The following CSMD1 variants were observed in gnomAD, a reference collection of about 807,000 sequenced individuals.
CSMD1 encodes CUB and Sushi multiple domains 1, also known as CUB and sushi domain-containing protein 1.
Under a neutral mutation model 417.5 loss-of-function variants are expected in CSMD1, and 213 were observed. The ratio of observed to expected loss-of-function variants is 0.51; its 90% CI spans 0.46 to 0.57. The LOEUF (loss-of-function observed/expected upper bound fraction) is 0.57, where lower values mean the gene tolerates loss of function less well. CSMD1 is among the 20% of genes least tolerant of loss of function. The pLI, the probability that CSMD1 is intolerant of heterozygous loss-of-function variation, is 0.00. For synonymous variants in CSMD1, 2,862 were observed against 1,736.8 expected, an observed-to-expected ratio of 1.65 and a Z score of -16.11; for missense variants, 6,923 against 4,529.7, an observed-to-expected ratio of 1.53 and a Z score of -15.17.
chr8:3,730,699 G>C (rs149345265), intron 6 of CSMD1, among the ~76,000 whole-genome samples: 55 of 152,218 alleles, frequency 3.6e-4, no homozygotes, highest in African/African-American at 1.3e-3. Flanking sequence ...AAGGCACCTT[G>C]TTTATTCCAT....
At chr8:3,783,772 G>T (rs1346545072) in intron 5 of CSMD1, among the ~76,000 whole-genome samples, 1 of 152,172 alleles carries the variant, frequency 6.6e-6, no homozygotes, top group Non-Finnish European at 1.5e-5. Flanking sequence ...AAGGGGAAAA[G>T]AAAGTCGCAT....
intron 23 of CSMD1, among the ~76,000 whole-genome samples, chr8:3,323,115 T>C (rs1357868973): frequency 2.6e-5 from 4 of 152,204 alleles, no homozygotes; most frequent in East Asian, 3.9e-4. Flanking sequence ...ACCTCTAACA[T>C]TGTGTTTTTG....
At chr8:4,351,768 A>T (rs2128901460) in intron 3 of CSMD1, among the ~76,000 whole-genome samples, 1 of 152,228 alleles carries the variant, frequency 6.6e-6, no homozygotes, top group East Asian at 1.9e-4. Context: ...GAAGATGTGA[A>T]ATTGCCACTT....
intron 10 of CSMD1, among the ~76,000 whole-genome samples, chr8:3,565,665 A>G (rs955409591): frequency 6.6e-6 from 1 of 152,270 alleles, no homozygotes; most frequent in Admixed American, 6.5e-5. Flanking sequence ...TCCCTAAAAC[A>G]GATCTGATAA....
chr8:3,931,102 TTAAAGCC>T (rs1810105897), intron 5 of CSMD1, among the ~76,000 whole-genome samples: 1 of 150,668 alleles, frequency 6.6e-6, no homozygotes, highest in African/African-American at 2.4e-5. Flanking sequence ...ACATATATCA[TTAAAGCC>T]TAGGCCGATA....
intron 10 of CSMD1, among the ~76,000 whole-genome samples, chr8:3,554,098 G>T (rs925707791): frequency 3.9e-5 from 6 of 152,210 alleles, no homozygotes; most frequent in Non-Finnish European, 8.8e-5. Context: ...CGTTCTTCAT[G>T]ACTGTATTTA....
chr8:3,696,902 G>T (rs998889473), intron 7 of CSMD1, among the ~76,000 whole-genome samples: 1 of 152,104 alleles, frequency 6.6e-6, no homozygotes, highest in Admixed American at 6.5e-5. Context: ...ATAGATTTAT[G>T]AAAGAGAACA....
chr8:2,973,146 GAC>G lies in CSMD1; in HGVS notation c.8892_8893del (p.Ser2965MetfsTer9). The G allele has an allele frequency of 6.2e-7, 1 of 1,613,732 alleles. No individual in the cohort carries two copies. The highest frequency in any genetic ancestry group is 8.5e-7 in the Non-Finnish European group (1 of 1,179,702). ...ACACACCGGCTGCAGTCCTGACCAT[GAC>G]CCATTGAGCAAACACGTGCGTTCAG... On this transcript the variant is annotated frameshift_variant, in exon 57 of 70. Transcript: ENST00000635120. LOFTEE classifies it high-confidence loss of function.
At chr8:3,428,512 A>T (rs75797485) in intron 12 of CSMD1, among the ~76,000 whole-genome samples, 1 of 152,176 alleles carries the variant, frequency 6.6e-6, no homozygotes, top group East Asian at 1.9e-4. Flanking sequence ...ATGATGGGGA[A>T]AAAAAAGACT....
In CSMD1 at chr8:4,094,156, C is replaced by T. The variant is rs184959466; in HGVS notation, c.416-62057G>A. On this transcript the variant is annotated intron_variant, in intron 3 of 69. Transcript: ENST00000635120. The stretch of plus-strand genomic sequence containing the variant: ...TGTGGGGGGGATGAGGGGACACAGC[C>T]GTGCACACGAATGTGGTGAGCACTC... 2.3e-4 allele frequency among the ~76,000 whole-genome samples: 35 copies of T among 152,102 alleles called. No individual in the cohort carries two copies. In the East Asian group the frequency reaches 6.0e-3, roughly 26 times the overall value.
chr8:3,629,559 T>C (rs1223294943), intron 7 of CSMD1, among the ~76,000 whole-genome samples: 1 of 152,178 alleles, frequency 6.6e-6, no homozygotes, highest in Non-Finnish European at 1.5e-5. Flanking sequence ...TGTAAACAGT[T>C]TAGACTAAAT....
At chr8:3,546,644 C>CA (rs3086570) in intron 10 of CSMD1, among the ~76,000 whole-genome samples, 13,301 of 150,824 alleles carry the variant, frequency 0.088, 736 homozygotes, top group African/African-American at 0.16. Context: ...CATTATAAAA[C>CA]AAAAAAAAAT....
intron 3 of CSMD1, among the ~76,000 whole-genome samples, chr8:4,351,351 G>C (rs1023064005): frequency 2.0e-5 from 3 of 152,174 alleles, no homozygotes; most frequent in Admixed American, 2.0e-4. Flanking sequence ...GAAAATTTGA[G>C]GCATCTCCTT....
intron 1 of CSMD1, among the ~76,000 whole-genome samples, chr8:4,916,835 T>C (rs1333191524): frequency 6.6e-6 from 1 of 152,238 alleles, no homozygotes; most frequent in Non-Finnish European, 1.5e-5. Context: ...ACAGAATCCC[T>C]GAGAATATTT....
At chr8:4,188,741 T>G (rs1306278803) in intron 3 of CSMD1, among the ~76,000 whole-genome samples, 1 of 151,746 alleles carries the variant, frequency 6.6e-6, no homozygotes, top group African/African-American at 2.4e-5. Flanking sequence ...GAGTAATGTC[T>G]AGAAAAGAAA....
chr8:4,076,155 G>A (rs1382768229), intron 3 of CSMD1, among the ~76,000 whole-genome samples: 1 of 152,158 alleles, frequency 6.6e-6, no homozygotes, highest in Admixed American at 6.5e-5. Context: ...CATGCGTGTG[G>A]TTGCTCCATG....
At chr8:3,600,434 C>G (rs1801307631) in intron 8 of CSMD1, among the ~76,000 whole-genome samples, 1 of 152,168 alleles carries the variant, frequency 6.6e-6, no homozygotes, top group African/African-American at 2.4e-5. Context: ...GGTCTCTAAA[C>G]CAGCAGTTCT....
chr8:3,656,623 G>A (rs1190176510), intron 7 of CSMD1, among the ~76,000 whole-genome samples: 1 of 152,142 alleles, frequency 6.6e-6, no homozygotes, highest in Non-Finnish European at 1.5e-5. Context: ...TGGTGCAGCT[G>A]TCTTTCTATT....
chr8:4,695,427 G>A (rs182922188), intron 1 of CSMD1, among the ~76,000 whole-genome samples: 2 of 152,202 alleles, frequency 1.3e-5, no homozygotes, highest in Admixed American at 6.5e-5. Flanking sequence ...AGTCGCGGAT[G>A]ACCAGTGACA....
Sources: gnomAD v4.1 joint callset for allele counts (sites outside exome capture counted in the v4.1 genomes callset) on GRCh38, gnomAD v4.1.1 for gene constraint, MANE v1.5 for transcripts, NCBI Gene and HGNC (gene_info 2026-07-23, HGNC 2026-07-21) for gene names.